Variants in MEGF11 observed in about 807,000 individuals in gnomAD.
MEGF11 encodes the protein multiple epidermal growth factor-like domains protein 11.
MEGF11 carries 126 observed loss-of-function variants against 146.6 expected under a neutral mutation model. That is an observed-to-expected ratio of 0.86 (90% CI 0.74 to 1.00). The LOEUF is 1.00. Among genes scored for constraint, MEGF11 ranks in the 50% least tolerant of loss-of-function variants. MEGF11 has a pLI of 0.00. For missense variants in MEGF11, 1,509 were observed against 1,521.2 expected (o/e 0.99, Z 0.13); for synonymous variants, 532 against 583.4 (o/e 0.91, Z 1.27).
At chr15:65,925,628 T>C (rs1324958417) in intron 13 of MEGF11, among the ~76,000 whole-genome samples, 2 of 152,204 alleles carry the variant, frequency 1.3e-5, no homozygotes, top group Admixed American at 6.5e-5. Context: ...TACAGTTGGA[T>C]AGGGATAGTC....
intron 10 of MEGF11, among the ~76,000 whole-genome samples, chr15:65,938,355 G>A (rs2079861052): frequency 6.6e-6 from 1 of 152,200 alleles, no homozygotes; most frequent in Admixed American, 6.5e-5. Context: ...GCCTAAATGT[G>A]GGAATTCTGG....
chr15:66,127,787 T>C (rs6494555), intron 2 of MEGF11, among the ~76,000 whole-genome samples: 83,472 of 152,016 alleles, frequency 0.55, 24,139 homozygotes, highest in South Asian at 0.69. Flanking sequence ...GCTGCAGCTT[T>C]GGCCACCCTT....
At chr15:65,929,575 A>T in intron 12 of MEGF11, 145 bp downstream of exon 12, 2 of 957,170 alleles carry the variant, frequency 2.1e-6, no homozygotes, top group Non-Finnish European at 3.0e-6. Flanking sequence ...CAGAGAGGTT[A>T]GGACTAGGAC....
At chr15:65,987,744 T>G (rs1322220719) in intron 5 of MEGF11, among the ~76,000 whole-genome samples, 1 of 152,198 alleles carries the variant, frequency 6.6e-6, no homozygotes, top group Non-Finnish European at 1.5e-5. Context: ...AGAGTCTTAC[T>G]CTGTCACCCA....
intron 1 of MEGF11, among the ~76,000 whole-genome samples, chr15:66,203,715 A>G (rs781768890): frequency 4.6e-5 from 7 of 152,282 alleles, no homozygotes; most frequent in Non-Finnish European, 8.8e-5. Flanking sequence ...AACCCAGGTT[A>G]AACAAGACAA....
At chr15:65,931,076 T>G in intron 10 of MEGF11, 133 bp from the exon 11 acceptor site, 1 of 1,135,044 alleles carries the variant, frequency 8.8e-7, no homozygotes, top group South Asian at 2.2e-5. Flanking sequence ...TATGTTACCT[T>G]ACATGGCAAA....
At chr15:65,965,196 G>A (rs997864245) in intron 8 of MEGF11, 76 bp from the exon 9 acceptor site, 3 of 1,282,602 alleles carry the variant, frequency 2.3e-6, no homozygotes, top group Non-Finnish European at 2.2e-6. Flanking sequence ...CCAGGATGTG[G>A]TCCTCCTGGC....
chr15:66,089,323 G>T (rs999257086), intron 5 of MEGF11, among the ~76,000 whole-genome samples: 6 of 152,216 alleles, frequency 3.9e-5, no homozygotes, highest in Non-Finnish European at 8.8e-5. Context: ...CTGCAAAAGA[G>T]CAGGACAGTG....
intron 1 of MEGF11, among the ~76,000 whole-genome samples, chr15:66,224,192 C>G (rs1029752343): frequency 6.6e-6 from 1 of 152,342 alleles, no homozygotes; most frequent in East Asian, 1.9e-4. Context: ...CCTCTCTGAG[C>G]CTTGGTTTTC....
At chr15:65,925,182 G>A (rs2079329839) in intron 13 of MEGF11, among the ~76,000 whole-genome samples, 1 of 152,210 alleles carries the variant, frequency 6.6e-6, no homozygotes, top group African/African-American at 2.4e-5. Context: ...GTGGCAGCTG[G>A]TTGCTATTGT....
At position 65,942,974 on chromosome 15, in the gene MEGF11, CTTTTTTT is replaced by C. The variant is rs58874869; in HGVS notation, c.1288-12038_1288-12032del. On this transcript the variant is annotated intron_variant, in intron 10 of 25. Transcript: ENST00000395614. The stretch of plus-strand genomic sequence containing the variant: ...AAACAAAAACAAAAAAACAACTTGG[CTTTTTTT>C]TTTTTTTTTTTTTTTTTTTTTTTAA... 5.7e-4 allele frequency among the ~76,000 whole-genome samples: 27 copies of C among 47,616 alleles called. No individual in the cohort carries two copies. The East Asian group carries it at 0.021, about 36-fold the overall frequency. The allele number at this position is 47,616 out of a possible 152,430, so 31.2% of individuals were successfully genotyped here. A position where few individuals can be genotyped will look rare whatever the true frequency, so the allele number is the denominator to read the frequency against.
At chr15:66,185,149 T>G (rs1243240808) in intron 1 of MEGF11, among the ~76,000 whole-genome samples, 2 of 152,164 alleles carry the variant, frequency 1.3e-5, no homozygotes, top group Non-Finnish European at 2.9e-5. Flanking sequence ...AAAGGGGCCA[T>G]GGTCATCCCT....
intron 5 of MEGF11, among the ~76,000 whole-genome samples, chr15:66,087,615 C>A (rs2086162922): frequency 6.6e-6 from 1 of 152,092 alleles, no homozygotes; most frequent in African/African-American, 2.4e-5. Context: ...TTAAAAAATT[C>A]TTCGAATGAC....
At chr15:66,074,960 A>C (rs1008209386) in intron 5 of MEGF11, among the ~76,000 whole-genome samples, 12 of 152,206 alleles carry the variant, frequency 7.9e-5, no homozygotes, top group African/African-American at 2.9e-4. Context: ...TGCTAAGTAC[A>C]TGTTTATGTT....
At chr15:66,138,080 A>G (rs2088974748) in intron 1 of MEGF11, among the ~76,000 whole-genome samples, 1 of 152,120 alleles carries the variant, frequency 6.6e-6, no homozygotes, top group African/African-American at 2.4e-5. Context: ...TTTTTTAACC[A>G]CAATAAAGCC....
intron 1 of MEGF11, among the ~76,000 whole-genome samples, chr15:66,131,397 A>G (rs2088641439): frequency 2.0e-5 from 3 of 152,278 alleles, no homozygotes; most frequent in South Asian, 2.1e-4. Flanking sequence ...TCAAAGCAGC[A>G]AGTGATTAAG....
intron 5 of MEGF11, among the ~76,000 whole-genome samples, chr15:66,012,353 G>A (rs1018162917): frequency 1.2e-4 from 19 of 152,152 alleles, no homozygotes; most frequent in Admixed American, 2.0e-4. Context: ...AGGGCTCTCC[G>A]CTCCCTAGTT....
chr15:66,209,223 G>A (rs928882831), intron 1 of MEGF11, among the ~76,000 whole-genome samples: 9 of 152,138 alleles, frequency 5.9e-5, no homozygotes, highest in South Asian at 2.1e-4. Flanking sequence ...GGTGGCGGGC[G>A]CCTGCAGTCC....
At chr15:66,075,634 T>A (rs146540891) in intron 5 of MEGF11, among the ~76,000 whole-genome samples, 76 of 152,306 alleles carry the variant, frequency 5.0e-4, no homozygotes, top group African/African-American at 1.7e-3. Context: ...CCAGATCACA[T>A]TGAAGACAGG....
Sources: gnomAD v4.1 joint callset for allele counts (sites outside exome capture counted in the v4.1 genomes callset) on GRCh38, gnomAD v4.1.1 for gene constraint, MANE v1.5 for transcripts, NCBI Gene and HGNC (gene_info 2026-07-23, HGNC 2026-07-21) for gene names.